Variants in CSTF3 observed in about 807,000 individuals in gnomAD.
CSTF3 encodes cleavage stimulation factor subunit 3.
Under a neutral mutation model 105.8 loss-of-function variants are expected in CSTF3, and 29 were observed. The observed-to-expected ratio is 0.27, with a 90% CI of 0.20 to 0.37. The LOEUF (loss-of-function observed/expected upper bound fraction) is 0.37, where lower values mean the gene tolerates loss of function less well. Among genes scored for constraint, CSTF3 ranks in the 10% least tolerant of loss-of-function variants. CSTF3 has a pLI of 1.00. For missense variants in CSTF3, 357 were observed against 879.3 expected (o/e 0.41, Z 7.51); for synonymous variants, 252 against 281.9 (o/e 0.89, Z 1.06).
intron 1 of CSTF3, among the ~76,000 whole-genome samples, chr11:33,152,098 AC>A (rs1252723792): frequency 6.6e-6 from 1 of 152,122 alleles, no homozygotes; most frequent in Non-Finnish European, 1.5e-5. Context: ...TACTAAAAAT[AC>A]AAAAAATTAG....
intron 3 of CSTF3, among the ~76,000 whole-genome samples, chr11:33,132,840 C>A (rs1855613377): frequency 6.6e-6 from 1 of 151,932 alleles, no homozygotes; most frequent in Admixed American, 6.6e-5. Context: ...CGAAAGATGG[C>A]ATTATTTTTA....
chr11:33,107,266 C>T (rs1048141647), intron 5 of CSTF3, among the ~76,000 whole-genome samples: 7 of 152,054 alleles, frequency 4.6e-5, no homozygotes, highest in Non-Finnish European at 5.9e-5. Flanking sequence ...ACAGTGAACC[C>T]GTGATTGTGC....
At chr11:33,156,398 C>A (rs528126328) in intron 1 of CSTF3, among the ~76,000 whole-genome samples, 3 of 152,176 alleles carry the variant, frequency 2.0e-5, no homozygotes, top group Non-Finnish European at 4.4e-5. Flanking sequence ...GTTTACCTAA[C>A]GAAATAAACC....
At chr11:33,141,626 C>T in intron 3 of CSTF3, 41 bp downstream of exon 3, 1 of 1,578,694 alleles carries the variant, frequency 6.3e-7, no homozygotes, top group Non-Finnish European at 8.6e-7. Flanking sequence ...ACAGTGAATG[C>T]TGCAATACTG....
intron 1 of CSTF3, among the ~76,000 whole-genome samples, chr11:33,160,372 A>C (rs979926085): frequency 6.6e-6 from 1 of 152,144 alleles, no homozygotes; most frequent in Non-Finnish European, 1.5e-5. Flanking sequence ...AACCTGAAAA[A>C]CGAAAACCTA....
At chr11:33,088,255 T>A (rs1290174341) in intron 17 of CSTF3, among the ~76,000 whole-genome samples, 6 of 151,794 alleles carry the variant, frequency 4.0e-5, no homozygotes, top group African/African-American at 1.5e-4. Flanking sequence ...AACATCATAT[T>A]CAGGAAGTAG....
At chr11:33,097,280 G>GA (rs1855231776) in intron 13 of CSTF3, among the ~76,000 whole-genome samples, 1 of 152,040 alleles carries the variant, frequency 6.6e-6, no homozygotes, top group African/African-American at 2.4e-5. Context: ...GTTTAAGAGT[G>GA]AAAAGTGTGA....
In CSTF3 at chr11:33,142,616, G is replaced by A. The variant is rs147987440; in HGVS notation, c.28-630C>T. On this transcript the variant is annotated intron_variant, in intron 1 of 20. Transcript: ENST00000323959. Reference sequence around the variant, plus strand: ...CTTTATGGTCTCAGGACCCCTCTACGCTCTTAAAATTTAAGAACCACAAAG... The same window carrying A: ...CTTTATGGTCTCAGGACCCCTCTACACTCTTAAAATTTAAGAACCACAAAG... Among the ~76,000 whole-genome samples the A allele has an allele frequency of 1.5e-3, 235 of 151,938 alleles. 2 individuals are homozygous for A. The highest frequency in any genetic ancestry group is 5.4e-3 in the African/African-American group (223 of 41,408).
chr11:33,097,085 A>G (rs1413057010), intron 13 of CSTF3, 107 bp from the exon 14 acceptor site: 1 of 790,072 alleles, frequency 1.3e-6, no homozygotes, highest in African/African-American at 1.8e-5. Flanking sequence ...TTTAGATAAT[A>G]TTCTATTTAA....
chr11:33,105,507 C>A (rs1855318080), intron 8 of CSTF3, 60 bp downstream of exon 8: 1 of 1,458,024 alleles, frequency 6.9e-7, no homozygotes, highest in Non-Finnish European at 9.3e-7. Flanking sequence ...TACAAATCCA[C>A]AATGCATAGA....
In CSTF3 at chr11:33,161,399, C is replaced by G; in HGVS notation, c.-74G>C. On this transcript the variant is annotated 5_prime_UTR_variant, in exon 1 of 21. Coordinates refer to ENST00000323959, the MANE Select transcript of CSTF3 (RefSeq NM_001326.3). Reference sequence around the variant, plus strand: ...AAAAGAAAAATTAAACTAAAAACCACCCCCAAATCAGTAAAGTTACCCCCT... The same window carrying G: ...AAAAGAAAAATTAAACTAAAAACCAGCCCCAAATCAGTAAAGTTACCCCCT... The G allele has an allele frequency of 6.5e-7, 1 of 1,543,914 alleles. No individual in the cohort carries two copies. Among genetic ancestry groups the G allele is most frequent in the Non-Finnish European group, 8.9e-7 (1 of 1,126,792 alleles).
intron 3 of CSTF3, among the ~76,000 whole-genome samples, chr11:33,116,450 C>T (rs1329804844): frequency 6.6e-6 from 1 of 152,168 alleles, no homozygotes; most frequent in East Asian, 1.9e-4. Flanking sequence ...GAAAGCTTCA[C>T]TGAGCAGATG....
chr11:33,159,236 T>G (rs998042128), intron 1 of CSTF3, among the ~76,000 whole-genome samples: 1 of 151,884 alleles, frequency 6.6e-6, no homozygotes, highest in Non-Finnish European at 1.5e-5. Context: ...GGTGGGTGAA[T>G]CGCTTGAGCC....
chr11:33,151,240 G>A (rs936489134), intron 1 of CSTF3, among the ~76,000 whole-genome samples: 1 of 151,668 alleles, frequency 6.6e-6, no homozygotes, highest in Non-Finnish European at 1.5e-5. Context: ...ACCCAGGCTC[G>A]AATGCAGTGG....
intron 12 of CSTF3, 85 bp from the exon 13 acceptor site, chr11:33,098,849 C>G: frequency 8.0e-7 from 1 of 1,248,552 alleles, no homozygotes. Flanking sequence ...AGGCTATAAC[C>G]TCCCACCCCC....
intron 3 of CSTF3, among the ~76,000 whole-genome samples, chr11:33,133,803 C>CA (rs1855624913): frequency 6.6e-6 from 1 of 152,058 alleles, no homozygotes; most frequent in South Asian, 2.1e-4. Flanking sequence ...GAGCAAGACT[C>CA]AAAAACAAAA....
chr11:33,151,362 A>C (rs1403702496), intron 1 of CSTF3, among the ~76,000 whole-genome samples: 1 of 151,486 alleles, frequency 6.6e-6, no homozygotes, highest in Non-Finnish European at 1.5e-5. Flanking sequence ...TAAATTTTAT[A>C]ATTTATAGAG....
At chr11:33,148,686 C>T (rs2133804558) in intron 1 of CSTF3, among the ~76,000 whole-genome samples, 1 of 143,810 alleles carries the variant, frequency 7.0e-6, no homozygotes, top group Admixed American at 7.1e-5. Context: ...ACAGAGGAGA[C>T]TCCATCTCAA....
intron 1 of CSTF3, among the ~76,000 whole-genome samples, chr11:33,150,219 TA>T (rs10714096): frequency 0.49 from 51,117 of 104,896 alleles, 11,421 homozygotes; most frequent in Middle Eastern, 0.6. Context: ...TGTCTCAAAC[TA>T]AAAAAAAAAA....
Sources: gnomAD v4.1 joint callset for allele counts (sites outside exome capture counted in the v4.1 genomes callset) on GRCh38, gnomAD v4.1.1 for gene constraint, MANE v1.5 for transcripts, NCBI Gene and HGNC (gene_info 2026-07-23, HGNC 2026-07-21) for gene names.